ZNF592: variants seen among roughly 807,000 people sequenced by gnomAD.
ZNF592 encodes spinocerebellar ataxia, autosomal recessive 5.
A neutral mutation model predicts 80.3 loss-of-function variants in ZNF592; 11 were observed. That is an observed-to-expected ratio of 0.14 (90% CI 0.09 to 0.23). ZNF592 has a LOEUF of 0.23. Among genes scored for constraint, ZNF592 ranks in the 10% least tolerant of loss-of-function variants. The pLI is 1.00. For missense variants in ZNF592, 1,420 were observed against 1,633.9 expected, an observed-to-expected ratio of 0.87 and a Z score of 2.26; for synonymous variants, 646 against 640.3, an observed-to-expected ratio of 1.01 and a Z score of -0.13.
intron 5 of ZNF592, among the ~76,000 whole-genome samples, chr15:84,792,830 A>G (rs767118561): frequency 1.4e-4 from 22 of 152,246 alleles, no homozygotes; most frequent in Non-Finnish European, 2.8e-4. Context: ...ATTAAAAACA[A>G]GACAAACCTA....
At chr15:84,801,556 T>C (rs1963096971) in intron 10 of ZNF592, among the ~76,000 whole-genome samples, 1 of 152,226 alleles carries the variant, frequency 6.6e-6, no homozygotes, top group Non-Finnish European at 1.5e-5. Context: ...ACAATAGTTT[T>C]GTTTTTGTAT....
Position 84,798,644 on chromosome 15 carries a change from G to A in ZNF592, c.2793G>A (p.Ala931=), listed in dbSNP as rs747681645. ...AGCTGTCAAGCCTCCAGTCTTCAGC[G>A]GACACATCCTCAAGCCGCCCTGGCT... ...VDELSSLQSS[A]DTSSSRPGSR... is the part of the protein sequence containing the mutation. Residue 931 remains alanine, a synonymous_variant, in exon 8 of 11, where the codon GCG becomes GCA. Transcript: ENST00000560079. The surrounding 1 kb of genome is among the most constrained non-coding windows in gnomAD (Gnocchi z 4.5). 8.7e-6 allele frequency: 14 copies of A among 1,613,838 alleles called. No homozygotes were observed. The highest frequency in any genetic ancestry group is 1.6e-4 in the Middle Eastern group (1 of 6,084).
intron 2 of ZNF592, among the ~76,000 whole-genome samples, chr15:84,771,202 G>A (rs762865700): frequency 6.6e-6 from 1 of 152,174 alleles, no homozygotes; most frequent in South Asian, 2.1e-4. Flanking sequence ...ATGAGAAAAC[G>A]AATGATTCCA....
intron 10 of ZNF592, 81 bp from the exon 11 acceptor site, chr15:84,801,782 A>T: frequency 6.2e-7 from 1 of 1,607,444 alleles, no homozygotes; most frequent in Non-Finnish European, 8.5e-7. Flanking sequence ...GCTTTCTTTG[A>T]GTCCTTGGGC....
intron 2 of ZNF592, among the ~76,000 whole-genome samples, 179 bp downstream of exon 2, chr15:84,764,994 G>T (rs948952367): frequency 6.6e-6 from 1 of 151,588 alleles, no homozygotes; most frequent in African/African-American, 2.4e-5. Flanking sequence ...ATTCACAGTT[G>T]TACAAGCATC....
intron 1 of ZNF592, among the ~76,000 whole-genome samples, chr15:84,749,849 A>G (rs1385047195): frequency 6.6e-6 from 1 of 152,202 alleles, no homozygotes; most frequent in Non-Finnish European, 1.5e-5. Context: ...GTCCATTTTG[A>G]TCATTTTCCA....
intron 1 of ZNF592, among the ~76,000 whole-genome samples, chr15:84,762,097 G>A (rs1899369106): frequency 6.6e-6 from 1 of 152,156 alleles, no homozygotes; most frequent in African/African-American, 2.4e-5. Context: ...TGTTCCTGAT[G>A]TGTTCATTTA....
chr15:84,797,414 C>T (rs996353939), intron 5 of ZNF592, among the ~76,000 whole-genome samples: 3 of 152,172 alleles, frequency 2.0e-5, no homozygotes, highest in East Asian at 1.9e-4. Context: ...GTGGTCATCC[C>T]TACTTACTCA....
chr15:84,797,768 T>C (rs1397605809), intron 5 of ZNF592, 101 bp from the exon 6 acceptor site: 1 of 1,348,688 alleles, frequency 7.4e-7, no homozygotes, highest in Non-Finnish European at 1.1e-6. Flanking sequence ...GGTGCCTGGA[T>C]AGTTCTGTTC....
intron 3 of ZNF592, 88 bp from the exon 4 acceptor site, chr15:84,782,567 CTG>C (rs747968735): frequency 3.3e-6 from 4 of 1,205,186 alleles, no homozygotes; most frequent in Non-Finnish European, 4.9e-6. Flanking sequence ...GGTGTGCTGG[CTG>C]TGTGTGCATT....
chr15:84,767,284 C>T (rs1899557492), intron 2 of ZNF592, among the ~76,000 whole-genome samples: 1 of 152,244 alleles, frequency 6.6e-6, no homozygotes, highest in African/African-American at 2.4e-5. Context: ...CCTCGGCCTC[C>T]GAAAGTGCTG....
At chr15:84,800,965 A>T (rs1217202737) in intron 10 of ZNF592, among the ~76,000 whole-genome samples, 1 of 152,246 alleles carries the variant, frequency 6.6e-6, no homozygotes, top group African/African-American at 2.4e-5. Context: ...CCATGGAAAC[A>T]TGCTCCAATG....
chr15:84,795,450 A>C (rs1477088457), intron 5 of ZNF592, among the ~76,000 whole-genome samples: 3 of 152,226 alleles, frequency 2.0e-5, no homozygotes, highest in South Asian at 2.1e-4. Flanking sequence ...ATGTGTTCTT[A>C]CTTTCAATGA....
rs751163519 is a variant in ZNF592 at position 84,783,358 on chromosome 15, C to T, written c.683C>T (p.Pro228Leu). The T allele has an allele frequency of 1.9e-6, 3 of 1,614,212 alleles. No homozygotes were observed. The highest frequency in any genetic ancestry group is 1.1e-5 in the South Asian group (1 of 91,082). The change falls in exon 4 of 11, where the codon CCT becomes CTT. Residue 228 changes from proline to leucine, a missense_variant. This residue lies in a region of ZNF592 where 373 missense variants were observed against 355.5 expected (regional missense o/e 1.05). Coordinates refer to ENST00000560079, the MANE Select transcript of ZNF592 (RefSeq NM_014630.3). This position sits in a 1 kb window ranked among gnomAD's most constrained non-coding sequence, Gnocchi z 5.0. ...HEQSGQNTVE[P>L]HKDPDATRFF... ...CAAAGTGGGCAGAACACAGTGGAAC[C>T]TCACAAGGATCCGGATGCCACTCGA...
At chr15:84,796,221 CAAAAAAA>C (rs753718341) in intron 5 of ZNF592, among the ~76,000 whole-genome samples, 1,143 of 25,446 alleles carry the variant, frequency 0.045, 126 homozygotes, top group African/African-American at 0.15. Context: ...GACTCTGTCT[CAAAAAAA>C]AAAAAAAAAA....
chr15:84,754,082 T>C (rs984938468), intron 1 of ZNF592, among the ~76,000 whole-genome samples: 2 of 152,238 alleles, frequency 1.3e-5, no homozygotes, highest in African/African-American at 4.8e-5. Flanking sequence ...TTTGTTGAAA[T>C]GACACATTTG....
chr15:84,796,761 A>G (rs897970944), intron 5 of ZNF592, among the ~76,000 whole-genome samples: 14 of 152,152 alleles, frequency 9.2e-5, no homozygotes, highest in African/African-American at 3.1e-4. Flanking sequence ...AGGGAGAAAA[A>G]AAAATGAAAA....
At position 84,798,533 on chromosome 15, in the gene ZNF592, T is replaced by C; in HGVS notation, c.2737-55T>C. 6.2e-7 allele frequency: 1 copy of C among 1,613,944 alleles called. No homozygotes were observed. ...GGGCACATGCCTCAGGCTGGGGGTCTGACTCTGTGCATCTTTCCCCTTGCC... is the reference window on the plus strand; with the variant it reads ...GGGCACATGCCTCAGGCTGGGGGTCCGACTCTGTGCATCTTTCCCCTTGCC... On this transcript the variant is annotated intron_variant, in intron 7 of 10. Transcript: ENST00000560079. The surrounding 1 kb of genome is among the most constrained non-coding windows in gnomAD (Gnocchi z 4.5).
rs1280521149 is a variant in ZNF592 at position 84,790,892 on chromosome 15, T to C, written c.2399+9T>C. On this transcript the variant is annotated intron_variant, in intron 5 of 10. Coordinates refer to ENST00000560079, the MANE Select transcript of ZNF592 (RefSeq NM_014630.3). The stretch of plus-strand genomic sequence containing the variant: ...CGCAAGGTGGGCTACAGGTGGGTGC[T>C]GCCTGGCTTGCTGTCCTGGTATTGC... 1 of 1,614,222 alleles carries C rather than the reference T, an allele frequency of 6.2e-7. No homozygotes were observed. The highest frequency in any genetic ancestry group is 1.7e-5 in the Admixed American group (1 of 60,030).
Sources: gnomAD v4.1 joint callset for allele counts (sites outside exome capture counted in the v4.1 genomes callset) on GRCh38, gnomAD v4.1.1 for gene constraint, gnomAD v4.1.1 regional missense constraint, Gnocchi (gnomAD v3.1) non-coding constraint, MANE v1.5 for transcripts, NCBI Gene and HGNC (gene_info 2026-07-23, HGNC 2026-07-21) for gene names.